SPON1: variants seen among roughly 807,000 people sequenced by gnomAD.
The protein encoded by SPON1 is spondin-1.
A neutral mutation model predicts 111.7 loss-of-function variants in SPON1; 52 were observed. That is an observed-to-expected ratio of 0.47 (90% CI 0.37 to 0.59). The LOEUF (loss-of-function observed/expected upper bound fraction) is 0.59, where lower values mean the gene tolerates loss of function less well. Ranked by LOEUF, SPON1 falls within the 20% of genes least tolerant of loss-of-function variation. The pLI, the probability that SPON1 is intolerant of heterozygous loss-of-function variation, is 0.00. For missense variants in SPON1, 957 were observed against 1,068.5 expected, an observed-to-expected ratio of 0.90 and a Z score of 1.46; for synonymous variants, 410 against 395.8, an observed-to-expected ratio of 1.04 and a Z score of -0.43.
At position 14,223,342 on chromosome 11, in the gene SPON1, C is replaced by T. The variant is rs141398682; in HGVS notation, c.826-19990C>T. 5.1e-3 allele frequency among the ~76,000 whole-genome samples: 782 copies of T among 152,096 alleles called. 10 individuals carry two copies. The highest frequency in any genetic ancestry group is 0.018 in the African/African-American group (753 of 41,506). On this transcript the variant is annotated intron_variant, in intron 6 of 15. Coordinates refer to ENST00000576479, the MANE Select transcript of SPON1 (RefSeq NM_006108.4). Reference sequence around the variant, plus strand: ...TTACACCACTGCACTCCAGCCTGGGCGATAGAGTAAGACCCTGTCTCATAA... The same window carrying T: ...TTACACCACTGCACTCCAGCCTGGGTGATAGAGTAAGACCCTGTCTCATAA...
intron 7 of SPON1, among the ~76,000 whole-genome samples, chr11:14,251,725 A>G (rs538553525): frequency 4.7e-4 from 72 of 152,360 alleles, no homozygotes; most frequent in African/African-American, 1.7e-3. Flanking sequence ...AGCTGCACCC[A>G]GGTGCCAGTG....
intron 2 of SPON1, among the ~76,000 whole-genome samples, chr11:13,998,568 C>T (rs1461989735): frequency 6.6e-6 from 1 of 152,222 alleles, no homozygotes; most frequent in East Asian, 1.9e-4. Context: ...TCTTCGCTCA[C>T]TGTGTTACCC....
intron 6 of SPON1, among the ~76,000 whole-genome samples, chr11:14,220,938 C>T (rs138320396): frequency 2.0e-3 from 299 of 152,214 alleles, no homozygotes; most frequent in African/African-American, 6.9e-3. Context: ...ATGCCAGGGT[C>T]AGGACAAAGG....
At chr11:14,102,829 T>C (rs1406247944) in intron 5 of SPON1, among the ~76,000 whole-genome samples, 1 of 152,252 alleles carries the variant, frequency 6.6e-6, no homozygotes, top group Non-Finnish European at 1.5e-5. Context: ...TAACACCTAA[T>C]TTACATTTTG....
intron 6 of SPON1, among the ~76,000 whole-genome samples, chr11:14,178,957 GAGA>G (rs1232704904): frequency 6.6e-6 from 1 of 152,194 alleles, no homozygotes; most frequent in African/African-American, 2.4e-5. Flanking sequence ...TTGAATCACT[GAGA>G]AGAAGGGAAG....
intron 4 of SPON1, among the ~76,000 whole-genome samples, chr11:14,077,409 A>G (rs997833386): frequency 5.8e-4 from 89 of 152,192 alleles, no homozygotes; most frequent in African/African-American, 2.1e-3. Context: ...TATAACAAAC[A>G]TATGCATACA....
intron 5 of SPON1, among the ~76,000 whole-genome samples, chr11:14,119,737 A>C (rs372037135): frequency 2.0e-5 from 3 of 152,088 alleles, no homozygotes; most frequent in African/African-American, 4.8e-5. Context: ...CAATTGTGAG[A>C]GTCCCCCGTC....
intron 2 of SPON1, among the ~76,000 whole-genome samples, chr11:13,998,696 G>A (rs909814876): frequency 6.6e-5 from 10 of 152,178 alleles, no homozygotes; most frequent in African/African-American, 2.4e-4. Flanking sequence ...CCAAGGCCTG[G>A]CACACTGGCC....
chr11:14,240,589 T>TTGTGTGTGTG (rs56265194), intron 6 of SPON1, among the ~76,000 whole-genome samples: 1,705 of 140,296 alleles, frequency 0.012, 19 homozygotes, highest in East Asian at 0.029. Context: ...AGAAGCAATA[T>TTGTGTGTGTG]TGTGTGTGTG....
chr11:14,022,929 C>T (rs1554914904), intron 2 of SPON1, among the ~76,000 whole-genome samples: 1 of 152,206 alleles, frequency 6.6e-6, no homozygotes, highest in African/African-American at 2.4e-5. Context: ...GGAAAACCAG[C>T]TGCCACGGAA....
intron 2 of SPON1, among the ~76,000 whole-genome samples, chr11:14,036,639 T>A (rs10766134): frequency 6.6e-6 from 1 of 152,068 alleles, no homozygotes; most frequent in Non-Finnish European, 1.5e-5. Flanking sequence ...TATAAACGAA[T>A]GAATCATCTA....
rs1416170878 is a variant in SPON1, at chr11:14,160,859, A to T, written c.825+25291A>T. On this transcript the variant is annotated intron_variant, in intron 6 of 15. Transcript: ENST00000576479. Reference sequence around the variant, plus strand: ...TTTATATATTTATATATTTATATATATTTATATATTTTTATATTTTTATAT... The same window carrying T: ...TTTATATATTTATATATTTATATATTTTTATATATTTTTATATTTTTATAT... 2.5e-4 allele frequency among the ~76,000 whole-genome samples: 12 copies of T among 47,928 alleles called. 2 individuals are homozygous for T. The highest frequency in any genetic ancestry group is 9.5e-4 in the African/African-American group (11 of 11,580). The allele number at this position is 47,928 out of a possible 152,430, so 31.4% of individuals were successfully genotyped here.
At chr11:14,263,168 T>G (rs369190413) in intron 15 of SPON1, 193 bp downstream of exon 15, 1 of 603,408 alleles carries the variant, frequency 1.7e-6, no homozygotes, top group African/African-American at 1.8e-5. Context: ...GCATAATTTA[T>G]AAAGGAGATT....
At chr11:14,071,739 T>A (rs1390673901) in intron 3 of SPON1, among the ~76,000 whole-genome samples, 6 of 151,222 alleles carry the variant, frequency 4.0e-5, no homozygotes, top group African/African-American at 1.5e-4. Context: ...TGAGACGGAG[T>A]CTCCCTCTGT....
intron 6 of SPON1, among the ~76,000 whole-genome samples, chr11:14,160,859 ATTTATATATTTTTATATT>A (rs1847929864): frequency 1.7e-4 from 8 of 47,922 alleles, no homozygotes; most frequent in Non-Finnish European, 1.7e-4. Context: ...ATTTATATAT[ATTTATATATTTTTATATT>A]TTTATATATT....
At position 14,257,762 on chromosome 11, in the gene SPON1, C is replaced by T. The variant is rs782482353; in HGVS notation, c.1356C>T (p.Ser452=). The change falls in exon 11 of 16, where the codon TCC becomes TCT. Residue 452 remains serine (S), a synonymous_variant. Coordinates refer to ENST00000576479, the MANE Select transcript of SPON1 (RefSeq NM_006108.4). ...TCTACTCCAACTGGTCCCCATGGTC[C>T]GCCTGCAGCTCCTCCACCTGTGACA... The part of the protein sequence containing the change: ...TCIYSNWSPW[S]ACSSSTCDKG... 66 of 1,613,278 alleles carry T rather than the reference C, an allele frequency of 4.1e-5. No homozygotes were observed. The highest frequency in any genetic ancestry group is 1.5e-4 in the Admixed American group (9 of 59,964).
intron 2 of SPON1, among the ~76,000 whole-genome samples, chr11:14,024,847 G>A (rs1848506569): frequency 6.6e-6 from 1 of 152,200 alleles, no homozygotes; most frequent in African/African-American, 2.4e-5. Context: ...GGTGTGTGTG[G>A]AAGGTGCTGG....
chr11:14,117,468 T>A (rs1849275220), intron 5 of SPON1, among the ~76,000 whole-genome samples: 1 of 152,238 alleles, frequency 6.6e-6, no homozygotes, highest in African/African-American at 2.4e-5. Flanking sequence ...GTTAATGTGA[T>A]GAATTGTATT....
chr11:14,246,434 C>T (rs1848990493), intron 7 of SPON1, among the ~76,000 whole-genome samples: 1 of 152,186 alleles, frequency 6.6e-6, no homozygotes, highest in Non-Finnish European at 1.5e-5. Context: ...CAGTACCCAG[C>T]TGATTCTAAT....
Sources: gnomAD v4.1 joint callset for allele counts (sites outside exome capture counted in the v4.1 genomes callset) on GRCh38, gnomAD v4.1.1 for gene constraint, MANE v1.5 for transcripts, NCBI Gene and HGNC (gene_info 2026-07-23, HGNC 2026-07-21) for gene names.